The following KANK1 variants were observed in gnomAD, a reference collection of about 807,000 sequenced individuals.
KANK1 encodes the protein KN motif and ankyrin repeat domain-containing protein 1.
KANK1 carries 109 observed loss-of-function variants against 106.2 expected under a neutral mutation model. That is an observed-to-expected ratio of 1.03 (90% CI 0.88 to 1.20). KANK1 has a LOEUF of 1.20. Among genes scored for constraint, KANK1 ranks in the 50% most tolerant of loss-of-function variants. KANK1 has a pLI of 0.00. For synonymous variants in KANK1, 873 were observed against 652.2 expected, an observed-to-expected ratio of 1.34 and a Z score of -5.16; for missense variants, 2,399 against 1,710.7, an observed-to-expected ratio of 1.40 and a Z score of -7.10.
In KANK1 at chr9:474,543, G is replaced by T. The variant is rs1266907904; in HGVS notation, c.-362+1270G>T. 2.0e-5 allele frequency among the ~76,000 whole-genome samples: 3 copies of T among 152,328 alleles called. No homozygotes were observed. The East Asian group carries it at 5.8e-4, about 29-fold the overall frequency. On this transcript the variant is annotated intron_variant, in intron 3 of 15. Coordinates refer to the KANK1 transcript ENST00000382303. ...CGATTATTTTATTTGATGAACAAAA[G>T]AAGGCAAATGTTCTTTCTTTGATGC...
At chr9:614,701 A>G (rs113296636) in intron 1 of KANK1, among the ~76,000 whole-genome samples, 276 of 152,258 alleles carry the variant, frequency 1.8e-3, no homozygotes, top group African/African-American at 6.3e-3. Flanking sequence ...GGGTGGGGCC[A>G]GTACTCTCTA....
chr9:657,268 A>G (rs1451952306), intron 1 of KANK1, among the ~76,000 whole-genome samples: 1 of 152,154 alleles, frequency 6.6e-6, no homozygotes, highest in Non-Finnish European at 1.5e-5. Flanking sequence ...TTAGGCATTC[A>G]TCTGTTAATG....
At chr9:618,076 G>A (rs975596341) in intron 1 of KANK1, among the ~76,000 whole-genome samples, 1 of 152,106 alleles carries the variant, frequency 6.6e-6, no homozygotes, top group African/African-American at 2.4e-5. Context: ...TATTTCAGTA[G>A]TACCCACGGA....
At chr9:728,379 G>A (rs938564112) in intron 3 of KANK1, among the ~76,000 whole-genome samples, 3 of 152,130 alleles carry the variant, frequency 2.0e-5, no homozygotes, top group African/African-American at 7.2e-5. Context: ...TGTATTTTTA[G>A]TAGAGACGGG....
intron 1 of KANK1, among the ~76,000 whole-genome samples, chr9:554,782 G>C (rs991978602): frequency 6.6e-5 from 10 of 152,198 alleles, no homozygotes; most frequent in Admixed American, 1.3e-4. Flanking sequence ...ACTAAAAACA[G>C]AATCCTATAA....
intron 2 of KANK1, among the ~76,000 whole-genome samples, chr9:705,835 A>G (rs1823975777): frequency 6.6e-6 from 1 of 151,964 alleles, no homozygotes; most frequent in Non-Finnish European, 1.5e-5. Flanking sequence ...CCTGACCTTC[A>G]AGTGATCCAC....
At chr9:551,961 T>A (rs1046946164) in intron 1 of KANK1, among the ~76,000 whole-genome samples, 3 of 151,156 alleles carry the variant, frequency 2.0e-5, no homozygotes, top group African/African-American at 7.3e-5. Flanking sequence ...GAGGCTGAGT[T>A]GGGAGGATCA....
intron 1 of KANK1, among the ~76,000 whole-genome samples, chr9:537,226 C>T (rs941520066): frequency 1.3e-5 from 2 of 152,132 alleles, no homozygotes; most frequent in African/African-American, 4.8e-5. Context: ...TCTGCTCTTG[C>T]GTGGGAAAAT....
chr9:579,756 C>G (rs907880118), intron 1 of KANK1, among the ~76,000 whole-genome samples: 14 of 152,302 alleles, frequency 9.2e-5, no homozygotes, highest in African/African-American at 3.1e-4. Context: ...CAAAAGCATT[C>G]TCCCTATGTT....
chr9:473,092 T>G (rs1382869045), intron 2 of KANK1: 1 of 152,238 alleles, frequency 6.6e-6, no homozygotes. Context: ...AATAAGAGTT[T>G]GCAGTGAGTG....
intron 2 of KANK1, among the ~76,000 whole-genome samples, chr9:677,349 G>T (rs1010885987): frequency 1.3e-5 from 2 of 152,286 alleles, no homozygotes; most frequent in East Asian, 3.9e-4. Context: ...GAGGAAATTA[G>T]TTTGGATGCT....
intron 1 of KANK1, among the ~76,000 whole-genome samples, chr9:607,484 CAAA>C (rs760884670): frequency 1.5e-4 from 9 of 61,188 alleles, no homozygotes; most frequent in Admixed American, 5.7e-4. Flanking sequence ...GACTCCATCT[CAAA>C]AAAAAAAAAA....
rs768003982 is a variant in KANK1, at chr9:711,468, C to T, written c.702C>T (p.Ser234=). The part of the protein sequence containing the change: ...SYAPAAPTTS[S]MGSSIRHSPL... ...CCCCAGCTGCTCCCACCACTTCCTC[C>T]ATGGGGAGCTCCATCCGCCACAGCC... Residue 234 remains serine (S), a synonymous_variant, in exon 3 of 12, where the codon TCC becomes TCT. Coordinates refer to ENST00000382297, the MANE Select transcript of KANK1 (RefSeq NM_015158.5). 6.2e-7 allele frequency: 1 copy of T among 1,614,172 alleles called. No homozygotes were observed. Among genetic ancestry groups the T allele is most frequent in the South Asian group, 1.1e-5 (1 of 91,076 alleles).
At chr9:558,437 C>G (rs1815459442) in intron 1 of KANK1, among the ~76,000 whole-genome samples, 1 of 152,168 alleles carries the variant, frequency 6.6e-6, no homozygotes. Flanking sequence ...CAGCTGTCAA[C>G]CGATCAATAC....
At chr9:547,748 T>C (rs535886643) in intron 1 of KANK1, among the ~76,000 whole-genome samples, 11 of 152,346 alleles carry the variant, frequency 7.2e-5, no homozygotes, top group African/African-American at 2.6e-4. Context: ...CTTGTGTCTC[T>C]GTATAACTGC....
At chr9:625,789 C>G (rs937145320) in intron 1 of KANK1, among the ~76,000 whole-genome samples, 1 of 152,182 alleles carries the variant, frequency 6.6e-6, no homozygotes, top group Non-Finnish European at 1.5e-5. Context: ...AGCTGAGCCC[C>G]TGAGTTTGTT....
rs1832157224 is a variant in KANK1, at chr9:731,215, A to G, written c.2954A>G (p.Lys985Arg). 4 of 1,612,578 alleles carry G rather than the reference A, an allele frequency of 2.5e-6. No homozygotes were observed. The highest frequency in any genetic ancestry group is 2.5e-6 in the Non-Finnish European group (3 of 1,178,726). Residue 985 changes from lysine (K) to arginine (R), a missense_variant, in exon 5 of 12, where the codon AAA becomes AGA. Lys to Arg is a conservative substitution (Grantham distance 26). Transcript: ENST00000382297. ...ATCATGAAGAAGAAAGATGGTAACA[A>G]AGATTCAAATGGCGCAAAAAAGAAT... ...KSIMKKKDGN[K>R]DSNGAKKNLQ...
intron 1 of KANK1, among the ~76,000 whole-genome samples, chr9:550,925 G>A (rs562448426): frequency 2.1e-4 from 32 of 152,138 alleles, no homozygotes; most frequent in African/African-American, 7.7e-4. Context: ...CCAGGAAAAG[G>A]CTCCAGGAGT....
chr9:697,900 GT>G (rs972274019), intron 2 of KANK1, among the ~76,000 whole-genome samples: 3 of 152,244 alleles, frequency 2.0e-5, no homozygotes, highest in African/African-American at 7.2e-5. Flanking sequence ...TGTTATCTGA[GT>G]TCTAGATATG....
Sources: gnomAD v4.1 joint callset for allele counts (sites outside exome capture counted in the v4.1 genomes callset) on GRCh38, gnomAD v4.1.1 for gene constraint, MANE v1.5 for transcripts, NCBI Gene and HGNC (gene_info 2026-07-23, HGNC 2026-07-21) for gene names.